The following AHCYL2 variants were observed in gnomAD, a reference collection of about 807,000 sequenced individuals.
AHCYL2 encodes S-adenosylhomocysteine hydrolase-like protein 2.
AHCYL2 carries 28 observed loss-of-function variants against 81.4 expected under a neutral mutation model. The ratio of observed to expected loss-of-function variants is 0.34; its 90% CI spans 0.25 to 0.47. AHCYL2 has a LOEUF of 0.47. Among genes scored for constraint, AHCYL2 ranks in the 20% least tolerant of loss-of-function variants. The probability of loss-of-function intolerance (pLI) is 1.00; values close to 1 mark genes in which losing one functional copy is unlikely to be tolerated. For synonymous variants in AHCYL2, 272 were observed against 290.2 expected, an observed-to-expected ratio of 0.94 and a Z score of 0.64; for missense variants, 551 against 785.1, an observed-to-expected ratio of 0.70 and a Z score of 3.56.
At chr7:129,261,560 G>T (rs993068736) in intron 1 of AHCYL2, among the ~76,000 whole-genome samples, 3 of 152,104 alleles carry the variant, frequency 2.0e-5, no homozygotes, top group African/African-American at 7.2e-5. Flanking sequence ...GTAAAATGAG[G>T]TTAGCATGAT....
intron 1 of AHCYL2, among the ~76,000 whole-genome samples, chr7:129,271,838 A>G (rs1796029542): frequency 6.6e-6 from 1 of 152,392 alleles, no homozygotes; most frequent in African/African-American, 2.4e-5. Flanking sequence ...TACTGAACAT[A>G]AATGAATTAC....
At chr7:129,345,403 A>T (rs1332708613) in intron 1 of AHCYL2, among the ~76,000 whole-genome samples, 1 of 152,226 alleles carries the variant, frequency 6.6e-6, no homozygotes, top group South Asian at 2.1e-4. Flanking sequence ...CTGAAGAACT[A>T]TCGATGCTCA....
chr7:129,299,304 T>G (rs1797165308), intron 1 of AHCYL2, among the ~76,000 whole-genome samples: 1 of 136,718 alleles, frequency 7.3e-6, no homozygotes, highest in Admixed American at 7.5e-5. Flanking sequence ...CAAAAAACTA[T>G]CCGGGCATAG....
Position 129,227,019 on chromosome 7 carries a change from T to C in AHCYL2, c.363+1580T>C, listed in dbSNP as rs1269555730. 1.3e-5 allele frequency among the ~76,000 whole-genome samples: 2 copies of C among 152,230 alleles called. 1 individual carries two copies. The highest frequency in any genetic ancestry group is 2.9e-5 in the Non-Finnish European group (2 of 68,040). ...CTAAAAGTGTTTAACAAATTGCTTT[T>C]AGAGCATGAAGTTTACAGTCAGGCA... On this transcript the variant is annotated intron_variant, in intron 1 of 16. Transcript: ENST00000325006.
At chr7:129,407,269 C>G (rs1437229980) in intron 10 of AHCYL2, among the ~76,000 whole-genome samples, 1 of 152,122 alleles carries the variant, frequency 6.6e-6, no homozygotes, top group Non-Finnish European at 1.5e-5. Flanking sequence ...TGAGTATCAC[C>G]TAAGCCTGGG....
chr7:129,411,666 G>T (rs1452815884), intron 11 of AHCYL2, among the ~76,000 whole-genome samples: 2 of 80,434 alleles, frequency 2.5e-5, no homozygotes, highest in Non-Finnish European at 6.9e-5. Context: ...GTGTGAGGCA[G>T]GAGAATTGCT....
chr7:129,400,859 G>C (rs1795998570), intron 6 of AHCYL2, among the ~76,000 whole-genome samples: 1 of 152,146 alleles, frequency 6.6e-6, no homozygotes, highest in Non-Finnish European at 1.5e-5. Flanking sequence ...TGAATTTATA[G>C]TAAACCTGAA....
At chr7:129,348,938 A>T (rs1216284002) in intron 1 of AHCYL2, among the ~76,000 whole-genome samples, 1 of 152,230 alleles carries the variant, frequency 6.6e-6, no homozygotes, top group Non-Finnish European at 1.5e-5. Context: ...CTAAAAAGTT[A>T]AAACACACTA....
Position 129,405,836 on chromosome 7 carries a change from A to G in AHCYL2, c.1143A>G (p.Gly381=), listed in dbSNP as rs779087017. 3.1e-6 allele frequency: 5 copies of G among 1,609,530 alleles called. No individual in the cohort carries two copies. Among genetic ancestry groups the G allele is most frequent in the South Asian group, 1.1e-5 (1 of 89,822 alleles). ...GATTTAATGTTTTTTTTTCCCCTAG[A>G]CTTAAAAGGACAACAGACATGATGT... ...LYCCRESILD[G]LKRTTDMMFG... The change falls in exon 9 of 17, where the codon GGA becomes GGG. Residue 381 remains glycine (G), a splice_region_variant and synonymous_variant. Coordinates refer to ENST00000325006, the MANE Select transcript of AHCYL2 (RefSeq NM_015328.4).
intron 1 of AHCYL2, among the ~76,000 whole-genome samples, chr7:129,256,549 A>AC (rs58653086): frequency 0.042 from 2,660 of 63,594 alleles, 90 homozygotes; most frequent in Middle Eastern, 0.096. Flanking sequence ...CCCACCCCCC[A>AC]CCCCCCCCCC....
intron 1 of AHCYL2, among the ~76,000 whole-genome samples, chr7:129,336,914 T>A (rs35120382): frequency 0.025 from 3,751 of 152,232 alleles, 77 homozygotes; most frequent in Admixed American, 0.058. Flanking sequence ...GCCTGGCTAA[T>A]TTTTAATTTT....
At position 129,263,788 on chromosome 7, in the gene AHCYL2, G is replaced by T. The variant is rs531634129; in HGVS notation, c.363+38349G>T. ...AGTAAAAGCAGGAAGAACAGTTAGT[G>T]CCTTGTGTAGAAAGAATTTTTAGTA... On this transcript the variant is annotated intron_variant, in intron 1 of 16. Coordinates refer to ENST00000325006, the MANE Select transcript of AHCYL2 (RefSeq NM_015328.4). 2.0e-5 allele frequency among the ~76,000 whole-genome samples: 3 copies of T among 152,284 alleles called. No individual in the cohort carries two copies. The South Asian group carries it at 6.2e-4, about 32-fold the overall frequency.
At chr7:129,247,911 A>T (rs1371206320) in intron 1 of AHCYL2, among the ~76,000 whole-genome samples, 1 of 152,136 alleles carries the variant, frequency 6.6e-6, no homozygotes, top group African/African-American at 2.4e-5. Flanking sequence ...CTTAGATTCT[A>T]CTTTTGGTGG....
intron 1 of AHCYL2, among the ~76,000 whole-genome samples, chr7:129,308,382 A>G (rs2150772297): frequency 6.6e-6 from 1 of 152,300 alleles, no homozygotes; most frequent in East Asian, 1.9e-4. Flanking sequence ...GCAAAGTTGC[A>G]CAATCACTGA....
intron 11 of AHCYL2, among the ~76,000 whole-genome samples, chr7:129,410,611 GTT>G (rs1475345163): frequency 6.6e-6 from 1 of 152,184 alleles, no homozygotes; most frequent in Non-Finnish European, 1.5e-5. Flanking sequence ...AGTGATGTAT[GTT>G]TCTCTCTAGT....
chr7:129,276,474 G>A lies in AHCYL2; in HGVS notation c.363+51035G>A, dbSNP rs147868209. Among the ~76,000 whole-genome samples the A allele has an allele frequency of 7.6e-4, 115 of 151,696 alleles. 2 individuals are homozygous for A. Among genetic ancestry groups the A allele is most frequent in the Admixed American group, 3.9e-3 (59 of 15,270 alleles). On this transcript the variant is annotated intron_variant, in intron 1 of 16. Coordinates refer to ENST00000325006, the MANE Select transcript of AHCYL2 (RefSeq NM_015328.4). ...ACTGAATGAAATTGAAAACAGGCTG[G>A]GCACAGTGGCTCATGCCTATAATCC... is the stretch of plus-strand genomic sequence containing the variant.
intron 11 of AHCYL2, among the ~76,000 whole-genome samples, chr7:129,411,138 T>A (rs1338793203): frequency 6.6e-6 from 1 of 152,122 alleles, no homozygotes; most frequent in Non-Finnish European, 1.5e-5. Context: ...ACATTTAAAT[T>A]GTTCACTGTT....
chr7:129,321,746 T>G (rs1487464688), intron 1 of AHCYL2, among the ~76,000 whole-genome samples: 3 of 126,668 alleles, frequency 2.4e-5, no homozygotes, highest in Admixed American at 7.2e-5. Context: ...TTTCTTTGTT[T>G]TTTTTTTTTT....
chr7:129,337,397 A>T (rs1403022634), intron 1 of AHCYL2, among the ~76,000 whole-genome samples: 1 of 151,692 alleles, frequency 6.6e-6, no homozygotes, highest in Non-Finnish European at 1.5e-5. Flanking sequence ...TTATTTATTT[A>T]TTTTTATTTT....
Sources: gnomAD v4.1 joint callset for allele counts (sites outside exome capture counted in the v4.1 genomes callset) on GRCh38, gnomAD v4.1.1 for gene constraint, MANE v1.5 for transcripts, NCBI Gene and HGNC (gene_info 2026-07-23, HGNC 2026-07-21) for gene names.